HSPG2: variants seen among roughly 807,000 people sequenced by gnomAD.
HSPG2 encodes the protein heparan sulfate proteoglycan 2.
Under a neutral mutation model 526.6 loss-of-function variants are expected in HSPG2, and 278 were observed. The observed-to-expected ratio is 0.53, with a 90% CI of 0.48 to 0.58. The LOEUF (loss-of-function observed/expected upper bound fraction) is 0.58. Ranked by LOEUF, HSPG2 falls within the 20% of genes least tolerant of loss-of-function variation. The pLI, the probability that HSPG2 is intolerant of heterozygous loss-of-function variation, is 0.00. For synonymous variants in HSPG2, 2,465 were observed against 2,555.4 expected (o/e 0.96, Z 1.07); for missense variants, 5,354 against 6,099.5 (o/e 0.88, Z 4.07).
Position 21,876,389 on chromosome 1 carries a change from T to C in HSPG2, c.2843A>G (p.Glu948Gly), listed in dbSNP as rs1171796634. 1 of 1,611,140 alleles carries C rather than the reference T, an allele frequency of 6.2e-7. No homozygotes were observed. The highest frequency in any genetic ancestry group is 2.2e-5 in the East Asian group (1 of 44,786). The change falls in exon 23 of 97, where the codon GAG becomes GGG. Residue 948 changes from glutamate to glycine, a missense_variant. Glu to Gly is a moderately conservative substitution (Grantham distance 98, BLOSUM62 -2). Transcript: ENST00000374695. ...GGTCAGGCTGAAGTGACCAGGCTCC[T>C]CAGAGGCCCCATGCAACTGGGAGGA... ...WSRAQLHGASEEPGHFSLTNA... is the reference protein window; with the variant it reads ...WSRAQLHGASGEPGHFSLTNA...
intron 1 of HSPG2, among the ~76,000 whole-genome samples, chr1:21,916,884 G>A (rs891761589): frequency 1.3e-5 from 2 of 152,212 alleles, no homozygotes; most frequent in Non-Finnish European, 2.9e-5. Context: ...TGCCAAGGCT[G>A]CACAGCTGTA....
At position 21,885,360 on chromosome 1, in the gene HSPG2, C is replaced by T; in HGVS notation, c.1170G>A (p.Glu390=). ...CGCTCCGGTCAGGACAGTCGCTCTC[C>T]TCGTCACAGTGGAAGCTGGCTGGGA... ...MCIPASFHCD[E]ESDCPDRSDE... The change falls in exon 10 of 97, where the codon GAG becomes GAA. Residue 390 remains glutamate, a synonymous_variant. Coordinates refer to ENST00000374695, the MANE Select transcript of HSPG2 (RefSeq NM_005529.7). The T allele has an allele frequency of 6.2e-7, 1 of 1,614,138 alleles. No individual in the cohort carries two copies. The highest frequency in any genetic ancestry group is 8.5e-7 in the Non-Finnish European group (1 of 1,180,012).
Position 21,842,983 on chromosome 1 carries a change from G to A in HSPG2, c.8759-62C>T. 10 of 1,588,632 alleles carry A rather than the reference G, an allele frequency of 6.3e-6. No homozygotes were observed. In the South Asian group the frequency reaches 1.1e-4, roughly 18 times the overall value. On this transcript the variant is annotated intron_variant, in intron 66 of 96. Transcript: ENST00000374695. ...CCGGGGATCAAGGCAGGGGCTGAAGGTGGTGGCAGTGAAGACCAGCTCCAG... is the reference window on the plus strand; with the variant it reads ...CCGGGGATCAAGGCAGGGGCTGAAGATGGTGGCAGTGAAGACCAGCTCCAG...
chr1:21,892,285 C>T lies in HSPG2; in HGVS notation c.245-1591G>A, dbSNP rs886299306. ...GCCACAGAGGCCCCTTGTGAGCCAGCACAGAGGCCCATTGAGAGTCCCCCC... is the reference window on the plus strand; with the variant it reads ...GCCACAGAGGCCCCTTGTGAGCCAGTACAGAGGCCCATTGAGAGTCCCCCC... On this transcript the variant is annotated intron_variant, in intron 3 of 96. Coordinates refer to ENST00000374695, the MANE Select transcript of HSPG2 (RefSeq NM_005529.7). 2.6e-5 allele frequency among the ~76,000 whole-genome samples: 4 copies of T among 152,378 alleles called. No individual in the cohort carries two copies. The East Asian group carries it at 7.7e-4, about 29-fold the overall frequency.
In HSPG2 at chr1:21,829,435, C is replaced by T; in HGVS notation, c.11940G>A (p.Val3980=). The T allele has an allele frequency of 6.2e-7, 1 of 1,613,432 alleles. No homozygotes were observed. Among genetic ancestry groups the T allele is most frequent in the Non-Finnish European group, 8.5e-7 (1 of 1,179,884 alleles). ...GGTGGCCGCCCACCATCGCCAGGGA[C>T]ACGAAGTCCTCCACAGGCCCGCTCT... ...GGKSGPVEDF[V]SLAMVGGHLE... The change falls in exon 87 of 97, where the codon GTG becomes GTA. Residue 3980 remains valine, a synonymous_variant. Coordinates refer to ENST00000374695, the MANE Select transcript of HSPG2 (RefSeq NM_005529.7).
chr1:21,928,599 C>T (rs1296871144), intron 1 of HSPG2, among the ~76,000 whole-genome samples: 1 of 152,122 alleles, frequency 6.6e-6, no homozygotes. Context: ...CACCACCACA[C>T]CCGGCTAACT....
intron 1 of HSPG2, among the ~76,000 whole-genome samples, chr1:21,922,645 G>T (rs1449143007): frequency 3.9e-5 from 6 of 152,166 alleles, no homozygotes. Context: ...GGAGGTGTGG[G>T]GGGAAGGAGG....
intron 33 of HSPG2, among the ~76,000 whole-genome samples, chr1:21,870,485 C>T (rs1246733168): frequency 1.3e-5 from 2 of 152,194 alleles, no homozygotes; most frequent in African/African-American, 2.4e-5. Flanking sequence ...AACTCCAGGC[C>T]GCCCACATGC....
rs3767137 is a variant in HSPG2, at chr1:21,834,230, G to A, written c.10721-305C>T. Among the ~76,000 whole-genome samples the A allele has an allele frequency of 0.24, 36,745 of 152,132 alleles. 4,446 individuals carry two copies. The highest frequency in any genetic ancestry group is 0.39 in the South Asian group (1,879 of 4,820). On this transcript the variant is annotated intron_variant, in intron 77 of 96. Transcript: ENST00000374695. ...GCACACTAGGGGCAGTATAGGTAAG[G>A]AAGTTTGGAGGCAAGTCACAGGGCT...
chr1:21,829,966 G>T, intron 86 of HSPG2, 27 bp downstream of exon 86: 2 of 1,571,048 alleles, frequency 1.3e-6, no homozygotes, highest in Non-Finnish European at 8.7e-7. Flanking sequence ...CTAGGACCCT[G>T]GGGGTCTCAG....
chr1:21,867,955 C>G (rs777649485), intron 33 of HSPG2, among the ~76,000 whole-genome samples: 1 of 152,012 alleles, frequency 6.6e-6, no homozygotes, highest in Non-Finnish European at 1.5e-5. Flanking sequence ...GTCTCAAACT[C>G]CTGTCCTCAG....
chr1:21,855,073 G>T lies in HSPG2; in HGVS notation c.5998-90C>A, dbSNP rs1639229132. ...GATAGGGCATAAAAGGGAGAGGCAG[G>T]TGCAGGGCCAATATTAGGGCCCAGT... On this transcript the variant is annotated intron_variant, in intron 47 of 96. Coordinates refer to ENST00000374695, the MANE Select transcript of HSPG2 (RefSeq NM_005529.7). The T allele has an allele frequency of 2.6e-6, 4 of 1,523,126 alleles. No individual in the cohort carries two copies. In the African/African-American group the frequency reaches 5.4e-5, roughly 21 times the overall value. 94.4% of individuals were successfully genotyped at this position (1,523,126 alleles called of 1,614,324 possible).
intron 22 of HSPG2, 32 bp downstream of exon 22, chr1:21,876,479 TG>T (rs777945085): frequency 1.3e-4 from 204 of 1,613,460 alleles, no homozygotes; most frequent in Non-Finnish European, 1.7e-4. Context: ...GCCCAGGGCT[TG>T]GCGGTCCTGC....
At chr1:21,922,615 G>A (rs1246647100) in intron 1 of HSPG2, among the ~76,000 whole-genome samples, 1 of 152,138 alleles carries the variant, frequency 6.6e-6, no homozygotes, top group Non-Finnish European at 1.5e-5. Context: ...GCACAAGGTG[G>A]GTCTTCTGGG....
intron 75 of HSPG2, 54 bp downstream of exon 75, chr1:21,836,748 T>G: frequency 6.8e-7 from 1 of 1,473,512 alleles, no homozygotes; most frequent in South Asian, 1.2e-5. Flanking sequence ...CTCTGCTCAC[T>G]GTGAGCCCTG....
At chr1:21,899,659 CCT>C (rs918582072) in intron 1 of HSPG2, among the ~76,000 whole-genome samples, 27 of 152,328 alleles carry the variant, frequency 1.8e-4, no homozygotes, top group Middle Eastern at 3.4e-3. Flanking sequence ...TCTTGCAAAG[CCT>C]CTCAGCCACA....
In HSPG2 at chr1:21,824,154, T is replaced by C. The variant is rs770008223; in HGVS notation, c.12866A>G (p.Asn4289Ser). The change falls in exon 95 of 97, where the codon AAT becomes AGT. Residue 4289 changes from asparagine to serine, a missense_variant. By Grantham distance (46) the Asn-to-Ser change is conservative. Coordinates refer to ENST00000374695, the MANE Select transcript of HSPG2 (RefSeq NM_005529.7). The surrounding 1 kb of genome is among the most constrained non-coding windows in gnomAD (Gnocchi z 5.9). ...EARLVSEDPI[N>S]DGEWHRVTAL... ...TGTCACCCGGTGCCACTCGCCGTCA[T>C]TGATGGGGTCCTCAGAGACCAGGCG... 9.9e-6 allele frequency: 16 copies of C among 1,613,654 alleles called. No individual in the cohort carries two copies. The highest frequency in any genetic ancestry group is 5.1e-6 in the Non-Finnish European group (6 of 1,180,008).
intron 63 of HSPG2, 94 bp from the exon 64 acceptor site, chr1:21,846,349 T>G (rs1048016620): frequency 6.2e-7 from 1 of 1,602,570 alleles, no homozygotes; most frequent in Non-Finnish European, 8.5e-7. Flanking sequence ...CACAGGGGGG[T>G]ACTGCACCCC....
Position 21,844,260 on chromosome 1 carries a change from G to T in HSPG2, c.8504C>A (p.Ser2835Tyr), listed in dbSNP as rs146505513. ...GAPPIRIEPSSSRVAEGQTLD... is the reference protein window; with the variant it reads ...GAPPIRIEPSYSRVAEGQTLD... Reference sequence around the variant, plus strand: ...GGTCTGCCCTTCTGCCACTCGGGAGGAGGAGGGCTCGATGCGGATGGGTGG... The same window carrying T: ...GGTCTGCCCTTCTGCCACTCGGGAGTAGGAGGGCTCGATGCGGATGGGTGG... Residue 2835 changes from serine (S) to tyrosine (Y), a missense_variant, in exon 65 of 97, where the codon TCC (serine) becomes TAC (tyrosine). By Grantham distance (144) the Ser-to-Tyr change is moderately radical. Transcript: ENST00000374695. 6.6e-5 allele frequency: 107 copies of T among 1,613,746 alleles called. 1 individual carries two copies. The African/African-American group carries it at 1.3e-3, about 19-fold the overall frequency.
Sources: allele counts gnomAD v4.1 joint callset (sites outside exome capture counted in the v4.1 genomes callset), GRCh38; gene constraint gnomAD v4.1.1; non-coding constraint Gnocchi (gnomAD v3.1); transcripts MANE v1.5; gene names NCBI Gene and HGNC (gene_info 2026-07-23, HGNC 2026-07-21).